The following NDNF variants were observed in gnomAD, a reference collection of about 807,000 sequenced individuals.
NDNF encodes neuron derived neurotrophic factor.
NDNF carries 16 observed loss-of-function variants against 42.0 expected under a neutral mutation model. That is an observed-to-expected ratio of 0.38 (90% CI 0.26 to 0.58). NDNF has a LOEUF of 0.58. NDNF is among the 20% of genes least tolerant of loss of function. The probability of loss-of-function intolerance (pLI) is 0.67; values close to 1 mark genes in which losing one functional copy is unlikely to be tolerated. For synonymous variants in NDNF, 248 were observed against 251.7 expected, an observed-to-expected ratio of 0.99 and a Z score of 0.14; for missense variants, 616 against 666.2, an observed-to-expected ratio of 0.92 and a Z score of 0.83.
chr4:121,052,126 A>G (rs1420106023), intron 1 of NDNF, among the ~76,000 whole-genome samples: 1 of 152,254 alleles, frequency 6.6e-6, no homozygotes, highest in African/African-American at 2.4e-5. Flanking sequence ...AGTTCTTTGC[A>G]GAAATGTATA....
At chr4:121,039,438 A>T (rs1167860747) in intron 3 of NDNF, among the ~76,000 whole-genome samples, 1 of 151,462 alleles carries the variant, frequency 6.6e-6, no homozygotes, top group Non-Finnish European at 1.5e-5. Context: ...CTTGGCCTTT[A>T]ACTGCTACTA....
At chr4:121,048,303 G>A (rs1727129394) in intron 1 of NDNF, among the ~76,000 whole-genome samples, 1 of 152,184 alleles carries the variant, frequency 6.6e-6, no homozygotes, top group Non-Finnish European at 1.5e-5. Flanking sequence ...TTGAAAGCGA[G>A]ATACACAGGC....
chr4:121,052,596 T>C (rs560484509), intron 1 of NDNF, among the ~76,000 whole-genome samples: 1 of 152,292 alleles, frequency 6.6e-6, no homozygotes, highest in Middle Eastern at 3.4e-3. Context: ...ATCTGAAGCA[T>C]TTGGTCCAGG....
chr4:121,039,222 A>ACAAAGACTATG (rs1449175085), intron 3 of NDNF, among the ~76,000 whole-genome samples: 1 of 101,868 alleles, frequency 9.8e-6, no homozygotes, highest in Admixed American at 1.1e-4. Flanking sequence ...ATATATATAT[A>ACAAAGACTATG]TATATATATA....
At chr4:121,045,352 AG>A (rs961484272) in intron 2 of NDNF, among the ~76,000 whole-genome samples, 1 of 142,602 alleles carries the variant, frequency 7.0e-6, no homozygotes, top group African/African-American at 2.5e-5. Context: ...ACTCCGTCTC[AG>A]GGAAAAAAAA....
intron 1 of NDNF, among the ~76,000 whole-genome samples, chr4:121,049,096 C>A (rs1483891227): frequency 6.6e-6 from 1 of 152,020 alleles, no homozygotes; most frequent in Non-Finnish European, 1.5e-5. Flanking sequence ...TATGGTAAAT[C>A]TGATTATTAT....
intron 1 of NDNF, among the ~76,000 whole-genome samples, chr4:121,060,575 G>A (rs575510432): frequency 2.2e-4 from 33 of 152,082 alleles, no homozygotes; most frequent in African/African-American, 6.8e-4. Context: ...TTTAGGAGAC[G>A]GTGACAAGAT....
At chr4:121,068,267 A>G (rs978833327) in intron 1 of NDNF, among the ~76,000 whole-genome samples, 3 of 152,234 alleles carry the variant, frequency 2.0e-5, no homozygotes, top group Admixed American at 6.5e-5. Context: ...AATACAGTGG[A>G]AAAATACAGC....
At chr4:121,039,908 G>A in intron 3 of NDNF, 22 bp downstream of exon 3, 2 of 1,605,796 alleles carry the variant, frequency 1.2e-6, no homozygotes, top group Admixed American at 1.7e-5. Context: ...AGGTCCAGGG[G>A]CAGATCTATC....
At chr4:121,040,291 T>C (rs1026005271) in intron 2 of NDNF, among the ~76,000 whole-genome samples, 1 of 152,128 alleles carries the variant, frequency 6.6e-6, no homozygotes, top group Admixed American at 6.5e-5. Context: ...TGCAACCAGA[T>C]TTATCATCAA....
intron 2 of NDNF, 38 bp downstream of exon 2, chr4:121,045,612 T>A (rs1287030717): frequency 6.4e-7 from 1 of 1,570,280 alleles, no homozygotes; most frequent in East Asian, 2.2e-5. Flanking sequence ...GCATCCTTTG[T>A]GAGCTTTTTA....
chr4:121,051,244 T>C (rs1345981858), intron 1 of NDNF, among the ~76,000 whole-genome samples: 2 of 152,188 alleles, frequency 1.3e-5, no homozygotes, highest in Non-Finnish European at 2.9e-5. Context: ...TCCCCTTCAT[T>C]TCCTCCAGTT....
At chr4:121,060,470 C>T (rs1037358473) in intron 1 of NDNF, among the ~76,000 whole-genome samples, 7 of 151,930 alleles carry the variant, frequency 4.6e-5, no homozygotes, top group African/African-American at 1.5e-4. Context: ...TGTGAGCCAC[C>T]GTGCCCAGCT....
At chr4:121,056,234 A>C (rs1727293052) in intron 1 of NDNF, among the ~76,000 whole-genome samples, 1 of 152,206 alleles carries the variant, frequency 6.6e-6, no homozygotes, top group Non-Finnish European at 1.5e-5. Context: ...CGAACTACAC[A>C]GGCACCAGCA....
intron 2 of NDNF, among the ~76,000 whole-genome samples, 170 bp downstream of exon 2, chr4:121,045,480 A>G (rs1727074394): frequency 6.6e-6 from 1 of 152,340 alleles, no homozygotes; most frequent in South Asian, 2.1e-4. Context: ...AACAGCCTCT[A>G]TTTCATAATT....
At chr4:121,049,049 TA>T (rs1164475265) in intron 1 of NDNF, among the ~76,000 whole-genome samples, 2 of 152,230 alleles carry the variant, frequency 1.3e-5, no homozygotes, top group East Asian at 3.8e-4. Flanking sequence ...CTATCTGATG[TA>T]AAAAATATGA....
chr4:121,052,262 G>A (rs1455527500), intron 1 of NDNF, among the ~76,000 whole-genome samples: 1 of 152,158 alleles, frequency 6.6e-6, no homozygotes, highest in Non-Finnish European at 1.5e-5. Flanking sequence ...GTATCACTGA[G>A]ATTCGCTTAA....
At chr4:121,038,115 A>T (rs950124219) in intron 3 of NDNF, 3 of 153,606 alleles carry the variant, frequency 2.0e-5, no homozygotes, top group Admixed American at 6.5e-5. Flanking sequence ...TTATCCTAGC[A>T]CTTTGGGATG....
chr4:121,039,161 A>G (rs1726937335), intron 3 of NDNF, among the ~76,000 whole-genome samples: 1 of 69,374 alleles, frequency 1.4e-5, no homozygotes. Context: ...ATATATGTAT[A>G]TATATATATA....
Sources: gnomAD v4.1 joint callset for allele counts (sites outside exome capture counted in the v4.1 genomes callset) on GRCh38, gnomAD v4.1.1 for gene constraint, MANE v1.5 for transcripts, NCBI Gene and HGNC (gene_info 2026-07-23, HGNC 2026-07-21) for gene names.